Variants in COPS3 observed in about 807,000 individuals in gnomAD.
COPS3 encodes the protein COP9 signalosome complex subunit 3.
In COPS3, 10 loss-of-function variants were observed where a neutral mutation model predicts 58.2. That is an observed-to-expected ratio of 0.17 (90% CI 0.11 to 0.29). COPS3 has a LOEUF of 0.29. COPS3 is among the 10% of genes least tolerant of loss of function. COPS3 has a pLI of 1.00. For missense variants in COPS3, 333 were observed against 510.1 expected, an observed-to-expected ratio of 0.65 and a Z score of 3.34; for synonymous variants, 187 against 181.7, an observed-to-expected ratio of 1.03 and a Z score of -0.24.
intron 7 of COPS3, chr17:17,261,761 C>T (rs2048106644): frequency 4.0e-6 from 2 of 502,528 alleles, no homozygotes; most frequent in Admixed American, 3.6e-5. Context: ...ATCTAGAGCA[C>T]AAGTTTGAAA....
chr17:17,255,855 T>A (rs185479147), intron 8 of COPS3, among the ~76,000 whole-genome samples: 30 of 139,148 alleles, frequency 2.2e-4, no homozygotes, highest in African/African-American at 7.8e-4. Flanking sequence ...AATAAATAAA[T>A]AAATAAATAA....
At chr17:17,264,278 CTT>C (rs1012390466) in intron 6 of COPS3, among the ~76,000 whole-genome samples, 8 of 152,132 alleles carry the variant, frequency 5.3e-5, no homozygotes, top group Admixed American at 2.0e-4. Context: ...TTGTGTATCT[CTT>C]TTTCAGAGTC....
intron 5 of COPS3, among the ~76,000 whole-genome samples, chr17:17,267,518 G>T (rs1468541223): frequency 6.6e-6 from 1 of 150,976 alleles, no homozygotes; most frequent in African/African-American, 2.4e-5. Flanking sequence ...GGTGCTTGTA[G>T]TCTCAGCTAC....
At chr17:17,274,510 C>T (rs563528871) in intron 2 of COPS3, among the ~76,000 whole-genome samples, 8 of 151,120 alleles carry the variant, frequency 5.3e-5, no homozygotes, top group African/African-American at 9.7e-5. Context: ...CTGCAACCTC[C>T]GCCTCCCAGG....
intron 9 of COPS3, among the ~76,000 whole-genome samples, chr17:17,252,735 T>C (rs891293451): frequency 1.3e-5 from 2 of 152,186 alleles, no homozygotes; most frequent in Non-Finnish European, 2.9e-5. Context: ...ATGTATTTCT[T>C]CTCACTCGCC....
Position 17,280,055 on chromosome 17 carries a change from A to AG in COPS3, c.55+1076dup, listed in dbSNP as rs550190230. Among the ~76,000 whole-genome samples, 84 of 152,162 alleles carry AG rather than the reference A, an allele frequency of 5.5e-4. 1 individual carries two copies. Among genetic ancestry groups the AG allele is most frequent in the Non-Finnish European group, 9.3e-4 (63 of 68,018 alleles). On this transcript the variant is annotated intron_variant, in intron 1 of 11. Transcript: ENST00000268717. ...CGAGGTGGGCGGATCACTTCAGGTG[A>AG]GGAGTTCGAAACCAGCTTGGCCAAC...
chr17:17,271,546 G>A (rs1245413344), intron 2 of COPS3, among the ~76,000 whole-genome samples: 2 of 151,578 alleles, frequency 1.3e-5, no homozygotes, highest in African/African-American at 2.4e-5. Flanking sequence ...TAGGCCTGGC[G>A]CAGTGGCTCA....
intron 4 of COPS3, among the ~76,000 whole-genome samples, chr17:17,269,004 C>T (rs2048289450): frequency 1.3e-5 from 2 of 152,082 alleles, no homozygotes; most frequent in African/African-American, 4.8e-5. Context: ...TTTCAAACCA[C>T]TAATCTTAAA....
intron 8 of COPS3, among the ~76,000 whole-genome samples, chr17:17,259,093 T>C (rs78504885): frequency 0.013 from 2,034 of 152,236 alleles, 22 homozygotes; most frequent in Non-Finnish European, 0.023. Context: ...CTCCCCTAAG[T>C]CCTCACGTAG....
At chr17:17,275,094 ATT>A (rs11372300) in intron 2 of COPS3, among the ~76,000 whole-genome samples, 17 of 144,336 alleles carry the variant, frequency 1.2e-4, no homozygotes, top group Admixed American at 2.8e-4. Flanking sequence ...GCAACAACTG[ATT>A]TTTTTTTTTT....
chr17:17,268,017 A>G lies in COPS3; in HGVS notation c.349-40T>C, dbSNP rs752977357. On this transcript the variant is annotated intron_variant, in intron 4 of 11. Transcript: ENST00000268717. ...ATCTCTTTCAGATAAGTTCTCAAAG[A>G]TGGCAGCACATTGGATCTTATGTTG... 8 of 1,608,564 alleles carry G rather than the reference A, an allele frequency of 5.0e-6. No individual in the cohort carries two copies. The South Asian group carries it at 8.8e-5, about 18-fold the overall frequency.
intron 2 of COPS3, among the ~76,000 whole-genome samples, chr17:17,275,091 C>G (rs1296315613): frequency 7.9e-6 from 1 of 126,440 alleles, no homozygotes; most frequent in Non-Finnish European, 1.7e-5. Flanking sequence ...AAAGCAACAA[C>G]TGATTTTTTT....
chr17:17,260,600 T>A, intron 7 of COPS3, 126 bp from the exon 8 acceptor site: 1 of 775,236 alleles, frequency 1.3e-6, no homozygotes, highest in Non-Finnish European at 2.1e-6. Context: ...GGTCAGGGGT[T>A]AAACACCAGC....
At chr17:17,253,257 A>C (rs2047891405) in intron 9 of COPS3, among the ~76,000 whole-genome samples, 1 of 152,038 alleles carries the variant, frequency 6.6e-6, no homozygotes, top group African/African-American at 2.4e-5. Flanking sequence ...AAATACTCCA[A>C]ATTCTGAAAT....
intron 9 of COPS3, among the ~76,000 whole-genome samples, chr17:17,250,353 C>T (rs2047816329): frequency 6.7e-6 from 1 of 149,038 alleles, no homozygotes; most frequent in South Asian, 2.1e-4. Flanking sequence ...CTCCTGGGTT[C>T]AGGGGATTCT....
At chr17:17,254,827 A>AG (rs1555617240) in intron 9 of COPS3, 32 bp downstream of exon 9, 123 of 1,424,532 alleles carry the variant, frequency 8.6e-5, no homozygotes, top group African/African-American at 3.8e-4. Flanking sequence ...AAAAAAAAAA[A>AG]AAAAAGAAAA....
chr17:17,259,586 A>C (rs2145210311), intron 8 of COPS3, among the ~76,000 whole-genome samples: 1 of 152,294 alleles, frequency 6.6e-6, no homozygotes, highest in Admixed American at 6.5e-5. Context: ...TCCGAGTAGT[A>C]CTATGTTCAC....
rs368565852 is a variant in COPS3 at position 17,275,670 on chromosome 17, G to A, written c.185+365C>T. On this transcript the variant is annotated intron_variant, in intron 2 of 11. Transcript: ENST00000268717. ...AATAAAAATAAAGCCAGGGCTGGGCGTGGTGGCTCACGCCTGTAATCCCAG... is the reference window on the plus strand; with the variant it reads ...AATAAAAATAAAGCCAGGGCTGGGCATGGTGGCTCACGCCTGTAATCCCAG... 1.7e-4 allele frequency among the ~76,000 whole-genome samples: 26 copies of A among 152,312 alleles called. No individual in the cohort carries two copies. In the East Asian group the frequency reaches 3.9e-3, roughly 23 times the overall value.
intron 6 of COPS3, among the ~76,000 whole-genome samples, chr17:17,262,599 G>C (rs921300845): frequency 1.3e-5 from 2 of 151,896 alleles, no homozygotes; most frequent in African/African-American, 4.8e-5. Context: ...GTGTGGTGGT[G>C]GGCGCCTGTA....
Sources: allele counts gnomAD v4.1 joint callset (sites outside exome capture counted in the v4.1 genomes callset), GRCh38; gene constraint gnomAD v4.1.1; transcripts MANE v1.5; gene names NCBI Gene and HGNC (gene_info 2026-07-23, HGNC 2026-07-21).